The following ADAMTSL1 variants were observed in gnomAD, a reference collection of about 807,000 sequenced individuals.
The protein encoded by ADAMTSL1 is ADAMTS like 1.
In ADAMTSL1, 126 loss-of-function variants were observed where a neutral mutation model predicts 201.8. That is an observed-to-expected ratio of 0.62 (90% CI 0.54 to 0.72). The LOEUF is 0.72. Among genes scored for constraint, ADAMTSL1 ranks in the 30% least tolerant of loss-of-function variants. ADAMTSL1 has a pLI of 0.00. For synonymous variants in ADAMTSL1, 1,121 were observed against 903.4 expected, an observed-to-expected ratio of 1.24 and a Z score of -4.32; for missense variants, 2,679 against 2,277.8, an observed-to-expected ratio of 1.18 and a Z score of -3.59.
At chr9:18,165,179 T>A (rs1827579484) in intron 2 of ADAMTSL1, among the ~76,000 whole-genome samples, 1 of 151,968 alleles carries the variant, frequency 6.6e-6, no homozygotes. Context: ...TTATGAAAAA[T>A]ATCTTGCAAT....
intron 1 of ADAMTSL1, among the ~76,000 whole-genome samples, chr9:18,004,658 T>A (rs975430038): frequency 3.3e-5 from 5 of 152,050 alleles, no homozygotes; most frequent in Non-Finnish European, 5.9e-5. Context: ...CTAGTAACAG[T>A]AGGGAAATGA....
intron 2 of ADAMTSL1, among the ~76,000 whole-genome samples, chr9:18,328,344 T>C (rs1427155615): frequency 6.6e-6 from 1 of 152,204 alleles, no homozygotes. Flanking sequence ...TATTTTCCTG[T>C]TTGTCTCTTT....
intron 2 of ADAMTSL1, among the ~76,000 whole-genome samples, chr9:18,228,988 G>A (rs763290645): frequency 7.3e-5 from 11 of 151,576 alleles, no homozygotes; most frequent in South Asian, 2.1e-4. Flanking sequence ...CTCTTCACGC[G>A]CTTGATATAG....
At chr9:18,479,222 T>C (rs531143795) in intron 1 of ADAMTSL1, among the ~76,000 whole-genome samples, 27 of 152,342 alleles carry the variant, frequency 1.8e-4, no homozygotes, top group Middle Eastern at 6.8e-3. Flanking sequence ...GGGACTCTGT[T>C]AACTGGAGCA....
intron 1 of ADAMTSL1, among the ~76,000 whole-genome samples, chr9:17,948,971 T>C (rs1588463262): frequency 1.3e-5 from 2 of 152,298 alleles, no homozygotes; most frequent in Non-Finnish European, 2.9e-5. Context: ...AAATACTGTA[T>C]TGAGGATCAG....
At position 18,639,385 on chromosome 9, in the gene ADAMTSL1, C is replaced by T. The variant is rs947604449; in HGVS notation, c.808C>T (p.Pro270Ser). The change falls in exon 7 of 29, where the codon CCA (proline) becomes TCA (serine). Residue 270 changes from proline to serine, a missense_variant. Coordinates refer to ENST00000380548, the MANE Select transcript of ADAMTSL1 (RefSeq NM_001040272.6). ...PDKEILRMAG[P>S]LTADFIVKIR... Reference sequence around the variant, plus strand: ...CAAAGAGATACTGAGAATGGCTGGACCACTCACAGCAGATTTCATTGTCAA... The same window carrying T: ...CAAAGAGATACTGAGAATGGCTGGATCACTCACAGCAGATTTCATTGTCAA... 10 of 1,612,728 alleles carry T rather than the reference C, an allele frequency of 6.2e-6. No individual in the cohort carries two copies. The highest frequency in any genetic ancestry group is 8.5e-6 in the Non-Finnish European group (10 of 1,179,092).
chr9:18,897,067 C>A (rs1011724821), intron 26 of ADAMTSL1, among the ~76,000 whole-genome samples: 3 of 152,182 alleles, frequency 2.0e-5, no homozygotes, highest in African/African-American at 7.2e-5. Flanking sequence ...CCAGTGAGTC[C>A]TGGCAGCCCA....
intron 1 of ADAMTSL1, among the ~76,000 whole-genome samples, chr9:17,921,517 C>G (rs1826298287): frequency 6.6e-6 from 1 of 152,106 alleles, no homozygotes; most frequent in African/African-American, 2.4e-5. Context: ...GGTGTTCAAC[C>G]TGCCATGTTA....
rs529041139 is a variant in ADAMTSL1 at position 18,513,100 on chromosome 9, A to C, written c.191+8144A>C. Among the ~76,000 whole-genome samples, 6 of 151,460 alleles carry C rather than the reference A, an allele frequency of 4.0e-5. No individual in the cohort carries two copies. The East Asian group carries it at 1.2e-3, about 29-fold the overall frequency. On this transcript the variant is annotated intron_variant, in intron 2 of 28. Coordinates refer to ENST00000380548, the MANE Select transcript of ADAMTSL1 (RefSeq NM_001040272.6). ...GGATCTTAGAGCTAATCTCCTCTCT[A>C]ATTCCCTCTTGGTTATTTCCCTTCC...
At chr9:18,845,488 C>T (rs1826047517) in intron 23 of ADAMTSL1, among the ~76,000 whole-genome samples, 1 of 152,238 alleles carries the variant, frequency 6.6e-6, no homozygotes, top group Admixed American at 6.5e-5. Flanking sequence ...GCCACAGGCC[C>T]ATCATAGGCA....
chr9:18,792,458 G>T (rs1159559755), intron 19 of ADAMTSL1, among the ~76,000 whole-genome samples: 1 of 152,196 alleles, frequency 6.6e-6, no homozygotes, highest in African/African-American at 2.4e-5. Context: ...GAGTGTCCAA[G>T]AACCGTTTTC....
intron 14 of ADAMTSL1, among the ~76,000 whole-genome samples, chr9:18,707,576 C>A (rs1271529910): frequency 6.6e-6 from 1 of 152,214 alleles, no homozygotes; most frequent in East Asian, 1.9e-4. Context: ...ACCCCACCCC[C>A]ATCTTACAGA....
intron 1 of ADAMTSL1, among the ~76,000 whole-genome samples, chr9:18,481,396 T>C (rs549243738): frequency 6.6e-6 from 1 of 152,170 alleles, no homozygotes; most frequent in South Asian, 2.1e-4. Flanking sequence ...AATACAAAAA[T>C]TAGCTGGGCA....
chr9:18,902,658 T>A (rs1173811483), intron 26 of ADAMTSL1, among the ~76,000 whole-genome samples: 1 of 151,942 alleles, frequency 6.6e-6, no homozygotes, highest in Non-Finnish European at 1.5e-5. Flanking sequence ...AAAGAAAGAC[T>A]TCAAATCAAC....
intron 7 of ADAMTSL1, among the ~76,000 whole-genome samples, chr9:18,650,941 T>C (rs1356217608): frequency 6.6e-6 from 1 of 152,198 alleles, no homozygotes; most frequent in Non-Finnish European, 1.5e-5. Flanking sequence ...TTTGAGGGAT[T>C]AAATGAGATA....
rs1436989588 is a variant in ADAMTSL1 at position 18,504,708 on chromosome 9, C to A, written c.64-121C>A. The stretch of plus-strand genomic sequence containing the variant: ...GGAAAAGAATCCGAGAATCTGATTG[C>A]GCGTTTTCATTCCTAGCAAAGCCAC... On this transcript the variant is annotated intron_variant, in intron 1 of 28. Coordinates refer to ENST00000380548, the MANE Select transcript of ADAMTSL1 (RefSeq NM_001040272.6). 7 of 1,322,500 alleles carry A rather than the reference C, an allele frequency of 5.3e-6. No individual in the cohort carries two copies. In the South Asian group the frequency reaches 6.0e-5, roughly 11 times the overall value. 81.9% of individuals were successfully genotyped at this position (1,322,500 alleles called of 1,614,324 possible). A position where few individuals can be genotyped will look rare whatever the true frequency, so the allele number is the denominator to read the frequency against.
chr9:18,546,322 G>A (rs1319113718), intron 3 of ADAMTSL1, among the ~76,000 whole-genome samples: 1 of 151,942 alleles, frequency 6.6e-6, no homozygotes, highest in Non-Finnish European at 1.5e-5. Context: ...ATTATTATTG[G>A]TTTTTTTAGA....
chr9:18,547,631 T>TA (rs71494960), intron 3 of ADAMTSL1, among the ~76,000 whole-genome samples: 3,389 of 83,048 alleles, frequency 0.041, 64 homozygotes, highest in East Asian at 0.14. Context: ...TGTATATATA[T>TA]ATAAAAAAAA....
At chr9:18,570,231 A>G (rs945577732) in intron 3 of ADAMTSL1, among the ~76,000 whole-genome samples, 16 of 152,060 alleles carry the variant, frequency 1.1e-4, no homozygotes, top group African/African-American at 3.4e-4. Context: ...AAAGGAAAAA[A>G]AAAAAAAGAC....
Sources: gnomAD v4.1 joint callset for allele counts (sites outside exome capture counted in the v4.1 genomes callset) on GRCh38, gnomAD v4.1.1 for gene constraint, MANE v1.5 for transcripts, NCBI Gene and HGNC (gene_info 2026-07-23, HGNC 2026-07-21) for gene names.